FLI1: variants seen among roughly 807,000 people sequenced by gnomAD.
FLI1 encodes Fli-1 proto-oncogene, ETS transcription factor.
A neutral mutation model predicts 53.1 loss-of-function variants in FLI1; 13 were observed. That is an observed-to-expected ratio of 0.24 (90% CI 0.16 to 0.39). The LOEUF (loss-of-function observed/expected upper bound fraction) is 0.39, where lower values mean the gene tolerates loss of function less well. FLI1 is among the 10% of genes least tolerant of loss of function. The probability of loss-of-function intolerance (pLI) is 1.00; values close to 1 mark genes in which losing one functional copy is unlikely to be tolerated. For missense variants in FLI1, 424 were observed against 600.5 expected (o/e 0.71, Z 3.07); for synonymous variants, 244 against 236.7 (o/e 1.03, Z -0.28).
intron 1 of FLI1, among the ~76,000 whole-genome samples, chr11:128,720,205 AC>A (rs972656343): frequency 6.6e-6 from 1 of 152,198 alleles, no homozygotes; most frequent in African/African-American, 2.4e-5. Flanking sequence ...ATATTAAATT[AC>A]GGCCATGTTC....
intron 5 of FLI1, among the ~76,000 whole-genome samples, chr11:128,800,951 G>T (rs1016837311): frequency 1.3e-5 from 2 of 152,164 alleles, no homozygotes; most frequent in African/African-American, 2.4e-5. Flanking sequence ...TAAAGCCAAG[G>T]TGTCAGCCTT....
rs1940637178 is a variant in FLI1, at chr11:128,751,379, A to G, written c.19-6736A>G. Among the ~76,000 whole-genome samples, 3 of 145,978 alleles carry G rather than the reference A, an allele frequency of 2.1e-5. 1 individual carries two copies. In the South Asian group the frequency reaches 6.4e-4, roughly 31 times the overall value. ...TTAACTTTTTTTTTTTTTTTGAGAC[A>G]CTGTCTTACTCTGTTGCCCAGGATG... On this transcript the variant is annotated intron_variant, in intron 1 of 8. Coordinates refer to ENST00000527786, the MANE Select transcript of FLI1 (RefSeq NM_002017.5).
At chr11:128,792,869 C>A (rs900752881) in intron 5 of FLI1, among the ~76,000 whole-genome samples, 4 of 152,128 alleles carry the variant, frequency 2.6e-5, no homozygotes, top group African/African-American at 9.7e-5. Context: ...GTAATCCCAG[C>A]ACTTTGGAAA....
chr11:128,739,207 A>G (rs1361975280), intron 1 of FLI1, among the ~76,000 whole-genome samples: 1 of 152,200 alleles, frequency 6.6e-6, no homozygotes, highest in Non-Finnish European at 1.5e-5. Flanking sequence ...GTGTGGCCCA[A>G]TAGCACTTGC....
upstream of FLI1, among the ~76,000 whole-genome samples, chr11:128,689,305 A>G (rs983100414): frequency 2.0e-5 from 3 of 152,186 alleles, no homozygotes; most frequent in African/African-American, 4.8e-5. Flanking sequence ...AGTGCAAAGC[A>G]CTTTCTCCTA....
intron 1 of FLI1, among the ~76,000 whole-genome samples, chr11:128,716,292 TATGGAG>T (rs1326772318): frequency 6.6e-6 from 1 of 152,106 alleles, no homozygotes; most frequent in Non-Finnish European, 1.5e-5. Flanking sequence ...GGTTTCCCTT[TATGGAG>T]TGCAAAATAA....
At chr11:128,746,532 G>A (rs1397311978) in intron 1 of FLI1, among the ~76,000 whole-genome samples, 2 of 152,192 alleles carry the variant, frequency 1.3e-5, no homozygotes, top group African/African-American at 4.8e-5. Context: ...TGTCCCTGCA[G>A]ACCCAGATTG....
In FLI1 at chr11:128,758,175, G is replaced by C; in HGVS notation, c.79G>C (p.Ala27Pro). 1.2e-6 allele frequency: 2 copies of C among 1,613,488 alleles called. No homozygotes were observed. Among genetic ancestry groups the C allele is most frequent in the Non-Finnish European group, 8.5e-7 (1 of 1,179,720 alleles). ...CTTTGACTCAGCGTACGGAGCGGCAGCCCATCTCCCCAAGGCCGACATGAC... is the reference window on the plus strand; with the variant it reads ...CTTTGACTCAGCGTACGGAGCGGCACCCCATCTCCCCAAGGCCGACATGAC... ...SLFDSAYGAA[A>P]HLPKADMTAS... Residue 27 changes from alanine to proline, a missense_variant, in exon 2 of 9, where the codon GCC becomes CCC. Physicochemically the swap from Ala to Pro is conservative, Grantham distance 27. Around this residue, in one of 5 missense-constraint regions of FLI1, gnomAD observed 137 missense variants for 169.1 expected, o/e 0.81. Coordinates refer to ENST00000527786, the MANE Select transcript of FLI1 (RefSeq NM_002017.5).
chr11:128,745,857 G>A (rs1319181713), intron 1 of FLI1, among the ~76,000 whole-genome samples: 1 of 152,186 alleles, frequency 6.6e-6, no homozygotes, highest in Non-Finnish European at 1.5e-5. Context: ...CCATATGCAT[G>A]TTTCCTCGTG....
chr11:128,807,319 A>G (rs1942809097), intron 7 of FLI1, 80 bp downstream of exon 7: 5 of 938,822 alleles, frequency 5.3e-6, no homozygotes, highest in Non-Finnish European at 8.0e-6. Context: ...TGGAGGGTTT[A>G]AACAATATAC....
intron 1 of FLI1, among the ~76,000 whole-genome samples, chr11:128,688,880 A>G (rs780177420): frequency 7.2e-5 from 11 of 152,164 alleles, no homozygotes; most frequent in Non-Finnish European, 1.3e-4. Flanking sequence ...TTGTGTCTGT[A>G]TTAGCTCATT....
chr11:128,768,312 C>T lies in FLI1; in HGVS notation c.385+40C>T, dbSNP rs367833385. On this transcript the variant is annotated intron_variant, in intron 3 of 8. Transcript: ENST00000527786. ...AGGCTGCCTGGGCGCCATTCACTTC[C>T]CCACTCTCTGGGGGGGCAGGGAGCA... is the stretch of plus-strand genomic sequence containing the variant. The T allele has an allele frequency of 3.4e-5, 52 of 1,518,162 alleles. No homozygotes were observed. The African/African-American group carries it at 1.0e-3, about 30-fold the overall frequency. The allele number at this position is 1,518,162 out of a possible 1,614,324, so 94.0% of individuals were successfully genotyped here.
chr11:128,731,957 C>G (rs374413160), intron 1 of FLI1, among the ~76,000 whole-genome samples: 1 of 150,942 alleles, frequency 6.6e-6, no homozygotes, highest in Non-Finnish European at 1.5e-5. Context: ...GAGCCGAGAT[C>G]GTGCCACTGT....
chr11:128,791,848 C>A (rs899107694), intron 5 of FLI1, among the ~76,000 whole-genome samples: 5 of 152,314 alleles, frequency 3.3e-5, no homozygotes, highest in South Asian at 4.1e-4. Flanking sequence ...CTTGGCCCAA[C>A]CACCGCAGGA....
chr11:128,735,210 G>T (rs1291708920), intron 1 of FLI1, among the ~76,000 whole-genome samples: 1 of 152,164 alleles, frequency 6.6e-6, no homozygotes, highest in Non-Finnish European at 1.5e-5. Flanking sequence ...AATTTTCCTT[G>T]TCATTATTAT....
At position 128,805,682 on chromosome 11, in the gene FLI1, TC is replaced by T. The variant is rs1942763369; in HGVS notation, c.721+252del. ...TAGAACATGGGAAATTTGAAGGTTT[TC>T]TTGAGACAAGGTTCTGTACCAATGA... On this transcript the variant is annotated intron_variant, in intron 6 of 8. Transcript: ENST00000527786. 1.3e-5 allele frequency: 6 copies of T among 466,086 alleles called. No homozygotes were observed. The South Asian group carries it at 1.8e-4, about 14-fold the overall frequency. The allele number at this position is 466,086 out of a possible 1,614,324, so 28.9% of individuals were successfully genotyped here. A position where few individuals can be genotyped will look rare whatever the true frequency, so the allele number is the denominator to read the frequency against.
chr11:128,698,587 G>A (rs1456386402), intron 1 of FLI1, among the ~76,000 whole-genome samples: 2 of 152,198 alleles, frequency 1.3e-5, no homozygotes, highest in African/African-American at 4.8e-5. Context: ...CAGAGTCATA[G>A]TGAAAGTTCA....
intron 1 of FLI1, among the ~76,000 whole-genome samples, chr11:128,707,417 C>A (rs1336250171): frequency 1.3e-5 from 2 of 152,090 alleles, no homozygotes; most frequent in African/African-American, 4.8e-5. Flanking sequence ...TTGAAGGGCA[C>A]CTGTACTTTT....
chr11:128,764,566 A>G, intron 2 of FLI1: 1 of 1,261,052 alleles, frequency 7.9e-7, no homozygotes, highest in Non-Finnish European at 1.1e-6. Flanking sequence ...CTTAATACAA[A>G]TTAGCAGCAG....
Sources: gnomAD v4.1 joint callset for allele counts (sites outside exome capture counted in the v4.1 genomes callset) on GRCh38, gnomAD v4.1.1 for gene constraint, gnomAD v4.1.1 regional missense constraint, MANE v1.5 for transcripts, NCBI Gene and HGNC (gene_info 2026-07-23, HGNC 2026-07-21) for gene names.